Variants in XRN1 observed in about 807,000 individuals in gnomAD.
The protein encoded by XRN1 is strand-exchange protein 1 homolog.
In XRN1, 67 loss-of-function variants were observed where a neutral mutation model predicts 222.3. The observed-to-expected ratio is 0.30, with a 90% CI of 0.25 to 0.37. XRN1 has a LOEUF of 0.37. Ranked by LOEUF, XRN1 falls within the 10% of genes least tolerant of loss-of-function variation. XRN1 has a pLI of 1.00. For synonymous variants in XRN1, 643 were observed against 652.4 expected (o/e 0.99, Z 0.22); for missense variants, 1,707 against 2,000.2 (o/e 0.85, Z 2.80).
chr3:142,317,010 C>T (rs971317484), intron 39 of XRN1, among the ~76,000 whole-genome samples: 17 of 152,156 alleles, frequency 1.1e-4, no homozygotes, highest in Non-Finnish European at 2.5e-4. Context: ...TAGGATGAAA[C>T]TCATTCTGCC....
intron 1 of XRN1, among the ~76,000 whole-genome samples, chr3:142,445,372 G>C (rs953682501): frequency 6.6e-6 from 1 of 151,940 alleles, no homozygotes; most frequent in African/African-American, 2.4e-5. Context: ...TTTTTTCATT[G>C]CAAGTTTTTA....
chr3:142,341,573 T>C (rs558380252), intron 33 of XRN1, among the ~76,000 whole-genome samples: 1 of 152,202 alleles, frequency 6.6e-6, no homozygotes, highest in South Asian at 2.1e-4. Flanking sequence ...AAGTCCTCAC[T>C]TGTCAATAAT....
rs1485627053 is a variant in XRN1, at chr3:142,412,567, C to T, written c.1690G>A (p.Val564Met). The T allele has an allele frequency of 6.2e-7, 1 of 1,607,386 alleles. No homozygotes were observed. Among genetic ancestry groups the T allele is most frequent in the Admixed American group, 1.7e-5 (1 of 59,950 alleles). The change falls in exon 15 of 41, where the codon GTG becomes ATG. Residue 564 changes from valine to methionine, a missense_variant. Val to Met is a conservative substitution (Grantham distance 21). Coordinates refer to ENST00000392981, the MANE Select transcript of XRN1 (RefSeq NM_001282857.2). Reference sequence around the variant, plus strand: ...ACCTCATCAATAAAAGGGATTAACACCACAGCTTCCCATTCCTGTTGTTTC... The same window carrying T: ...ACCTCATCAATAAAAGGGATTAACATCACAGCTTCCCATTCCTGTTGTTTC... ...NGKQQEWEAV[V>M]LIPFIDEKRL...
chr3:142,447,997 G>C lies in XRN1; in HGVS notation c.-53C>G. The C allele has an allele frequency of 5.0e-6, 8 of 1,585,794 alleles. No homozygotes were observed. Among genetic ancestry groups the C allele is most frequent in the Non-Finnish European group, 6.0e-6 (7 of 1,158,598 alleles). On this transcript the variant is annotated 5_prime_UTR_variant, in exon 1 of 41. Transcript: ENST00000392981. The surrounding 1 kb of genome is among the most constrained non-coding windows in gnomAD (Gnocchi z 4.2). ...GGGCCAAACCGAAACCAAACGCCCC[G>C]CCGGGGCTCCGCCGCAGCCTCCGGT...
intron 2 of XRN1, among the ~76,000 whole-genome samples, chr3:142,428,900 T>C (rs749425193): frequency 2.6e-5 from 4 of 152,002 alleles, no homozygotes; most frequent in Admixed American, 6.6e-5. Flanking sequence ...AGCAGAGACA[T>C]AGTAATCAAA....
intron 37 of XRN1, among the ~76,000 whole-genome samples, chr3:142,328,107 A>G (rs963356075): frequency 1.3e-5 from 2 of 152,182 alleles, no homozygotes; most frequent in African/African-American, 4.8e-5. Context: ...CATCTTGGCT[A>G]TTGTGACTAG....
chr3:142,407,848 CTGTT>C (rs2068405452), intron 15 of XRN1: 2 of 152,118 alleles, frequency 1.3e-5, no homozygotes, highest in Non-Finnish European at 2.9e-5. Context: ...TGTGATAGAT[CTGTT>C]TGTTTCATTA....
intron 39 of XRN1, among the ~76,000 whole-genome samples, chr3:142,315,811 G>A (rs1268165116): frequency 2.0e-5 from 3 of 151,886 alleles, no homozygotes; most frequent in African/African-American, 4.8e-5. Flanking sequence ...CACTGCGCCC[G>A]GCCTAAAAAA....
chr3:142,332,903 A>G, intron 35 of XRN1, 64 bp downstream of exon 35: 1 of 1,586,204 alleles, frequency 6.3e-7, no homozygotes, highest in Non-Finnish European at 8.6e-7. Flanking sequence ...CTTGCATGGG[A>G]TATGTCTGCA....
At chr3:142,428,308 T>A (rs1168306475) in intron 2 of XRN1, among the ~76,000 whole-genome samples, 2 of 150,308 alleles carry the variant, frequency 1.3e-5, no homozygotes, top group Non-Finnish European at 2.9e-5. Context: ...GACAGGAGAT[T>A]CGCTTGAACC....
chr3:142,391,193 T>C (rs1238528762), intron 20 of XRN1, among the ~76,000 whole-genome samples: 1 of 151,054 alleles, frequency 6.6e-6, no homozygotes, highest in Non-Finnish European at 1.5e-5. Context: ...ACTGATAGAG[T>C]TGCAACATGG....
At chr3:142,438,533 TA>T (rs2070033497) in intron 1 of XRN1, among the ~76,000 whole-genome samples, 1 of 152,188 alleles carries the variant, frequency 6.6e-6, no homozygotes, top group Non-Finnish European at 1.5e-5. Context: ...GGAAAATGAC[TA>T]GGGGTGCTGG....
chr3:142,361,893 G>T (rs1434615351), intron 29 of XRN1, among the ~76,000 whole-genome samples: 5 of 122,106 alleles, frequency 4.1e-5, no homozygotes, highest in African/African-American at 6.2e-5. Flanking sequence ...TTTGAAGAGA[G>T]TTTTTTTTTT....
At chr3:142,424,103 C>CT (rs1404332724) in intron 5 of XRN1, among the ~76,000 whole-genome samples, 109 of 148,944 alleles carry the variant, frequency 7.3e-4, no homozygotes, top group South Asian at 3.4e-3. Context: ...CACATAGTAT[C>CT]TTTTTTTTTT....
At chr3:142,358,739 C>T (rs548997594) in intron 30 of XRN1, among the ~76,000 whole-genome samples, 7 of 152,026 alleles carry the variant, frequency 4.6e-5, no homozygotes, top group East Asian at 1.9e-4. Flanking sequence ...GAGTGTAGAC[C>T]GGAAAAGTCT....
At chr3:142,314,317 G>A (rs985602163) in intron 39 of XRN1, among the ~76,000 whole-genome samples, 1 of 152,052 alleles carries the variant, frequency 6.6e-6, no homozygotes, top group African/African-American at 2.4e-5. Flanking sequence ...TAGTAGGTAT[G>A]AATAAACTAA....
intron 33 of XRN1, among the ~76,000 whole-genome samples, chr3:142,346,290 C>A (rs554863322): frequency 3.3e-5 from 5 of 152,256 alleles, no homozygotes; most frequent in African/African-American, 1.2e-4. Flanking sequence ...CACATATGTT[C>A]AAGTCCCTTA....
chr3:142,407,491 G>A (rs995353684), intron 15 of XRN1, among the ~76,000 whole-genome samples: 5 of 152,022 alleles, frequency 3.3e-5, no homozygotes, highest in Non-Finnish European at 7.4e-5. Context: ...CACCAACCTG[G>A]CTAATTTTTG....
intron 22 of XRN1, among the ~76,000 whole-genome samples, chr3:142,381,945 C>A (rs1196947421): frequency 1.3e-5 from 2 of 152,042 alleles, no homozygotes; most frequent in Non-Finnish European, 2.9e-5. Context: ...AACAAAAAAA[C>A]AGTTCCTTAT....
Sources: allele counts gnomAD v4.1 joint callset (sites outside exome capture counted in the v4.1 genomes callset), GRCh38; gene constraint gnomAD v4.1.1; non-coding constraint Gnocchi (gnomAD v3.1); transcripts MANE v1.5; gene names NCBI Gene and HGNC (gene_info 2026-07-23, HGNC 2026-07-21).